Variants in SEC14L1 observed in about 807,000 individuals in gnomAD.
The protein encoded by SEC14L1 is SEC14-like protein 1.
In SEC14L1, 48 loss-of-function variants were observed where a neutral mutation model predicts 85.3. That is an observed-to-expected ratio of 0.56 (90% confidence interval 0.45 to 0.72). The LOEUF is 0.72. Among genes scored for constraint, SEC14L1 ranks in the 30% least tolerant of loss-of-function variants. The probability of loss-of-function intolerance (pLI) is 0.00; values close to 1 mark genes in which losing one functional copy is unlikely to be tolerated. For missense variants in SEC14L1, 682 were observed against 921.4 expected (o/e 0.74, Z 3.36); for synonymous variants, 391 against 355.5 (o/e 1.10, Z -1.12).
chr17:77,091,616 T>C (rs1000794025), intron 2 of SEC14L1, among the ~76,000 whole-genome samples: 1 of 152,176 alleles, frequency 6.6e-6, no homozygotes, highest in African/African-American at 2.4e-5. Context: ...TAGTCACATG[T>C]GGCTAGTGGC....
chr17:77,189,690 G>A (rs76301391), intron 3 of SEC14L1, among the ~76,000 whole-genome samples: 1 of 152,038 alleles, frequency 6.6e-6, no homozygotes, highest in Non-Finnish European at 1.5e-5. Context: ...GTGCAGTGGC[G>A]CGATCTCGGC....
At chr17:77,186,523 C>T (rs1325747150) in intron 3 of SEC14L1, among the ~76,000 whole-genome samples, 5 of 152,260 alleles carry the variant, frequency 3.3e-5, no homozygotes, top group Non-Finnish European at 7.3e-5. Context: ...CCTTCCCTCC[C>T]TCCTGTACTG....
upstream of SEC14L1, among the ~76,000 whole-genome samples, chr17:77,139,193 T>G (rs1972889192): frequency 1.4e-5 from 2 of 144,440 alleles, no homozygotes; most frequent in African/African-American, 5.2e-5. Flanking sequence ...TGACACGGAG[T>G]CTTGCTGGAG....
upstream of SEC14L1, among the ~76,000 whole-genome samples, chr17:77,140,230 C>A (rs772414007): frequency 7.2e-5 from 11 of 152,238 alleles, no homozygotes; most frequent in Non-Finnish European, 1.5e-4. Context: ...TTAGCAGCCC[C>A]ACCTTGGCAC....
At chr17:77,166,406 T>C (rs1598332265) in intron 3 of SEC14L1, among the ~76,000 whole-genome samples, 1 of 152,378 alleles carries the variant, frequency 6.6e-6, no homozygotes, top group Non-Finnish European at 1.5e-5. Flanking sequence ...AAGCCAGATC[T>C]GCCTCTTCTA....
chr17:77,185,292 G>A, intron 3 of SEC14L1: 3 of 985,458 alleles, frequency 3.0e-6, no homozygotes, highest in Non-Finnish European at 3.6e-6. Context: ...TGCCCCTGAC[G>A]CTGACAGAGC....
chr17:77,204,239 C>T lies in SEC14L1; in HGVS notation c.1098+581C>T, dbSNP rs553159564. 5.3e-5 allele frequency among the ~76,000 whole-genome samples: 8 copies of T among 152,158 alleles called. No individual in the cohort carries two copies. In the South Asian group the frequency reaches 1.2e-3, roughly 24 times the overall value. ...TTATTTTTTATTATGTTTTTTGAGA[C>T]GGAGTTTCACTCTTGTTACCCAGGC... On this transcript the variant is annotated intron_variant, in intron 10 of 16. Transcript: ENST00000436233.
intron 8 of SEC14L1, among the ~76,000 whole-genome samples, chr17:77,197,463 G>C (rs1975873584): frequency 6.6e-6 from 1 of 152,078 alleles, no homozygotes; most frequent in Non-Finnish European, 1.5e-5. Context: ...TCTTTAATCT[G>C]TAGTTTTTGT....
At chr17:77,197,116 C>T (rs947520746) in intron 8 of SEC14L1, among the ~76,000 whole-genome samples, 14 of 152,230 alleles carry the variant, frequency 9.2e-5, no homozygotes, top group Admixed American at 2.6e-4. Context: ...ACATTCTTAA[C>T]CACTTCCACG....
intron 3 of SEC14L1, among the ~76,000 whole-genome samples, chr17:77,115,886 A>G (rs117846286): frequency 0.019 from 2,899 of 151,806 alleles, 41 homozygotes; most frequent in Middle Eastern, 0.027. Context: ...ATTGTTTGGT[A>G]AAGAAAAGAA....
intron 3 of SEC14L1, among the ~76,000 whole-genome samples, chr17:77,160,754 A>T (rs536883949): frequency 6.6e-6 from 1 of 152,240 alleles, no homozygotes; most frequent in African/African-American, 2.4e-5. Context: ...AACTACATGG[A>T]TGCGTTGAGA....
chr17:77,205,388 A>G, intron 11 of SEC14L1, 42 bp downstream of exon 11: 3 of 1,505,258 alleles, frequency 2.0e-6, no homozygotes, highest in Non-Finnish European at 2.8e-6. Context: ...TTACTGAGAA[A>G]ACGAATTAAA....
chr17:77,205,594 A>C (rs1334711813), intron 11 of SEC14L1, among the ~76,000 whole-genome samples: 1 of 152,190 alleles, frequency 6.6e-6, no homozygotes, highest in East Asian at 1.9e-4. Flanking sequence ...GCAGGAGCCC[A>C]GGGCTGCAGA....
intron 10 of SEC14L1, 137 bp from the exon 11 acceptor site, chr17:77,205,139 A>G: frequency 1.5e-6 from 1 of 685,718 alleles, no homozygotes. Flanking sequence ...TGAATGTGTA[A>G]GAAAATCTCC....
At chr17:77,131,373 G>A (rs1046798766) in intron 3 of SEC14L1, among the ~76,000 whole-genome samples, 2 of 152,114 alleles carry the variant, frequency 1.3e-5, no homozygotes, top group Non-Finnish European at 2.9e-5. Flanking sequence ...AGGTTCAAGC[G>A]ATTCCCCAGC....
At chr17:77,124,503 T>G (rs1331956833) in intron 3 of SEC14L1, among the ~76,000 whole-genome samples, 5 of 152,218 alleles carry the variant, frequency 3.3e-5, no homozygotes, top group Non-Finnish European at 7.3e-5. Context: ...GGTAGGCTGC[T>G]GAACTGGGGC....
At chr17:77,125,361 A>G (rs937005817) in intron 3 of SEC14L1, among the ~76,000 whole-genome samples, 1 of 152,152 alleles carries the variant, frequency 6.6e-6, no homozygotes, top group Non-Finnish European at 1.5e-5. Context: ...ATTTTCACCA[A>G]TGATGCACAC....
At chr17:77,202,382 G>A (rs1242694930) in intron 9 of SEC14L1, among the ~76,000 whole-genome samples, 3 of 152,110 alleles carry the variant, frequency 2.0e-5, no homozygotes, top group Non-Finnish European at 4.4e-5. Context: ...ACTTTGGGAG[G>A]CTGAAGCGGG....
chr17:77,216,946 T>C lies in SEC14L1; in HGVS notation c.*2923T>C, dbSNP rs571630671. Reference sequence around the variant, plus strand: ...TGATTCTTTGATTCTCCCTCTATTATGTCTTAATTCACTTTCCTTCCTAAA... The same window carrying C: ...TGATTCTTTGATTCTCCCTCTATTACGTCTTAATTCACTTTCCTTCCTAAA... On this transcript the variant is annotated 3_prime_UTR_variant, in exon 17 of 17. Coordinates refer to ENST00000436233, the MANE Select transcript of SEC14L1 (RefSeq NM_001143998.2). The C allele has an allele frequency of 1.0e-5, 2 of 192,400 alleles. No individual in the cohort carries two copies. The highest frequency in any genetic ancestry group is 2.6e-4 in the East Asian group (2 of 7,564). The allele number at this position is 192,400 out of a possible 1,614,324, so 11.9% of individuals were successfully genotyped here.
Sources: gnomAD v4.1 joint callset for allele counts (sites outside exome capture counted in the v4.1 genomes callset) on GRCh38, gnomAD v4.1.1 for gene constraint, MANE v1.5 for transcripts, NCBI Gene and HGNC (gene_info 2026-07-23, HGNC 2026-07-21) for gene names.